DEPDC1B: variants seen among roughly 807,000 people sequenced by gnomAD.
DEPDC1B encodes DEP domain containing 1B.
A neutral mutation model predicts 66.5 loss-of-function variants in DEPDC1B; 51 were observed. The ratio of observed to expected loss-of-function variants is 0.77; its 90% CI spans 0.61 to 0.97. The LOEUF (loss-of-function observed/expected upper bound fraction) is 0.97, where lower values mean the gene tolerates loss of function less well. Ranked by LOEUF, DEPDC1B falls within the 50% of genes least tolerant of loss-of-function variation. The pLI, the probability that DEPDC1B is intolerant of heterozygous loss-of-function variation, is 0.00. For synonymous variants in DEPDC1B, 226 were observed against 223.6 expected, an observed-to-expected ratio of 1.01 and a Z score of -0.10; for missense variants, 552 against 637.1, an observed-to-expected ratio of 0.87 and a Z score of 1.44.
At chr5:60,600,952 G>T (rs1271417035) in intron 9 of DEPDC1B, among the ~76,000 whole-genome samples, 2 of 152,158 alleles carry the variant, frequency 1.3e-5, no homozygotes, top group African/African-American at 4.8e-5. Context: ...ATCACAGGGT[G>T]GTTCCCCCCA....
At position 60,597,381 on chromosome 5, in the gene DEPDC1B, T is replaced by C. The variant is rs1752116828; in HGVS notation, c.*372A>G. On this transcript the variant is annotated 3_prime_UTR_variant, in exon 11 of 11. Coordinates refer to ENST00000265036, the MANE Select transcript of DEPDC1B (RefSeq NM_018369.3). ...TACACGCTATTTTTAAGACTTAAAA[T>C]TAAGTCTTAAGGCTATAATAAAGAT... 1.2e-5 allele frequency: 2 copies of C among 166,046 alleles called. No individual in the cohort carries two copies. Among genetic ancestry groups the C allele is most frequent in the African/African-American group, 4.8e-5 (2 of 41,670 alleles). 10.3% of individuals were successfully genotyped at this position (166,046 alleles called of 1,614,324 possible). A position where few individuals can be genotyped will look rare whatever the true frequency, so the allele number is the denominator to read the frequency against.
At chr5:60,626,473 T>C (rs1336908510) in intron 7 of DEPDC1B, among the ~76,000 whole-genome samples, 3 of 152,182 alleles carry the variant, frequency 2.0e-5, no homozygotes, top group East Asian at 1.9e-4. Context: ...TAACTGTATG[T>C]TTAACTTTTT....
intron 7 of DEPDC1B, among the ~76,000 whole-genome samples, chr5:60,618,100 G>A (rs915808495): frequency 1.3e-5 from 2 of 152,174 alleles, no homozygotes; most frequent in South Asian, 2.1e-4. Flanking sequence ...TGAGAACAAA[G>A]ACAAAACATA....
intron 1 of DEPDC1B, among the ~76,000 whole-genome samples, chr5:60,699,457 A>AAAAAAC (rs1554056870): frequency 6.6e-6 from 1 of 151,234 alleles, no homozygotes; most frequent in Admixed American, 6.6e-5. Context: ...AAAAAAAAAA[A>AAAAAAC]AAAAACAGGA....
At chr5:60,676,157 C>G (rs1038289660) in intron 2 of DEPDC1B, among the ~76,000 whole-genome samples, 1 of 151,812 alleles carries the variant, frequency 6.6e-6, no homozygotes, top group Non-Finnish European at 1.5e-5. Flanking sequence ...GTCTCGATCT[C>G]CTGACCTCGT....
At chr5:60,677,533 T>C (rs193037719) in intron 2 of DEPDC1B, among the ~76,000 whole-genome samples, 1 of 152,230 alleles carries the variant, frequency 6.6e-6, no homozygotes, top group Non-Finnish European at 1.5e-5. Context: ...TTTTTTTCTT[T>C]TTTATTTTTT....
intron 9 of DEPDC1B, among the ~76,000 whole-genome samples, chr5:60,603,060 G>A (rs1752234089): frequency 6.6e-6 from 1 of 152,170 alleles, no homozygotes; most frequent in Non-Finnish European, 1.5e-5. Context: ...TATTAAACTA[G>A]GTCACAGGGC....
chr5:60,677,320 ACACACACT>A (rs1216576675), intron 2 of DEPDC1B, among the ~76,000 whole-genome samples: 1 of 107,730 alleles, frequency 9.3e-6, no homozygotes, highest in South Asian at 2.9e-4. Flanking sequence ...ACACACACAC[ACACACACT>A]CTCTCTCTCT....
chr5:60,632,270 C>A lies in DEPDC1B; in HGVS notation c.898+6480G>T, dbSNP rs116094964. ...ATGCTTGGCTGGAGCACTCCATGCC[C>A]GTGTCCTGGAAGCCACTCCTCACCC... On this transcript the variant is annotated intron_variant, in intron 7 of 10. Transcript: ENST00000265036. 2.6e-5 allele frequency among the ~76,000 whole-genome samples: 4 copies of A among 152,296 alleles called. No individual in the cohort carries two copies. The East Asian group carries it at 7.7e-4, about 29-fold the overall frequency.
At chr5:60,647,558 A>T in intron 2 of DEPDC1B, 25 bp from the exon 3 acceptor site, 3 of 1,608,490 alleles carry the variant, frequency 1.9e-6, no homozygotes, top group Non-Finnish European at 2.5e-6. Context: ...GAAATTCTCT[A>T]TTACTGCAGT....
Position 60,597,794 on chromosome 5 carries a change from G to T in DEPDC1B, c.1549C>A (p.Pro517Thr), listed in dbSNP as rs1335353003. 4.3e-6 allele frequency: 7 copies of T among 1,613,188 alleles called. No homozygotes were observed. The highest frequency in any genetic ancestry group is 1.3e-5 in the African/African-American group (1 of 74,834). Reference sequence around the variant, plus strand: ...CTAGTTCTTTGAAATGGTTGGAAAGGCTTCTTTAGTGCCCACATTAGCAGC... The same window carrying T: ...CTAGTTCTTTGAAATGGTTGGAAAGTCTTCTTTAGTGCCCACATTAGCAGC... ...PQLLMWALKK[P>T]FQPFQRTRSF... Residue 517 changes from proline to threonine, a missense_variant, in exon 11 of 11, where the codon CCT becomes ACT. Coordinates refer to ENST00000265036, the MANE Select transcript of DEPDC1B (RefSeq NM_018369.3).
At chr5:60,601,949 A>C (rs1315566965) in intron 9 of DEPDC1B, among the ~76,000 whole-genome samples, 2 of 152,200 alleles carry the variant, frequency 1.3e-5, no homozygotes, top group Non-Finnish European at 2.9e-5. Context: ...TGAAGCACAG[A>C]CATGTTATAT....
chr5:60,655,972 TA>T (rs746655467), intron 2 of DEPDC1B, among the ~76,000 whole-genome samples: 8 of 137,252 alleles, frequency 5.8e-5, no homozygotes, highest in African/African-American at 1.2e-4. Flanking sequence ...CCCTGTGGTC[TA>T]AGAGAGTACT....
At chr5:60,645,653 G>C in intron 3 of DEPDC1B, 34 bp from the exon 4 acceptor site, 2 of 1,579,902 alleles carry the variant, frequency 1.3e-6, no homozygotes, top group Non-Finnish European at 1.7e-6. Context: ...GGGAGGGAAG[G>C]AGAAACGGTA....
At chr5:60,682,539 A>G (rs1754319385) in intron 2 of DEPDC1B, among the ~76,000 whole-genome samples, 1 of 152,170 alleles carries the variant, frequency 6.6e-6, no homozygotes, top group South Asian at 2.1e-4. Flanking sequence ...ATTAAAAAAT[A>G]AAGAAAATAA....
chr5:60,655,123 C>T lies in DEPDC1B; in HGVS notation c.315-7590G>A, dbSNP rs576747474. Among the ~76,000 whole-genome samples the T allele has an allele frequency of 3.6e-4, 54 of 148,804 alleles. 1 individual carries two copies. The highest frequency in any genetic ancestry group is 5.6e-4 in the Non-Finnish European group (38 of 67,790). ...ATCCTTTCCTGGTTTGATATAAGGG[C>T]GATAATGGCTTCATAGAATGATTTA... On this transcript the variant is annotated intron_variant, in intron 2 of 10. Coordinates refer to ENST00000265036, the MANE Select transcript of DEPDC1B (RefSeq NM_018369.3).
At chr5:60,671,084 G>A (rs1034633098) in intron 2 of DEPDC1B, among the ~76,000 whole-genome samples, 1 of 152,080 alleles carries the variant, frequency 6.6e-6, no homozygotes, top group Non-Finnish European at 1.5e-5. Flanking sequence ...GATTACCATG[G>A]GTCCAGATCT....
chr5:60,674,756 G>A (rs1256862923), intron 2 of DEPDC1B, among the ~76,000 whole-genome samples: 1 of 152,176 alleles, frequency 6.6e-6, no homozygotes, highest in African/African-American at 2.4e-5. Context: ...AGTTGCAACT[G>A]TAAGGAACAG....
At chr5:60,660,397 T>C (rs969091166) in intron 2 of DEPDC1B, among the ~76,000 whole-genome samples, 11 of 151,978 alleles carry the variant, frequency 7.2e-5, no homozygotes, top group Admixed American at 5.9e-4. Context: ...CCAGGGTAAA[T>C]TTAAAACCTA....
Sources: gnomAD v4.1 joint callset for allele counts (sites outside exome capture counted in the v4.1 genomes callset) on GRCh38, gnomAD v4.1.1 for gene constraint, MANE v1.5 for transcripts, NCBI Gene and HGNC (gene_info 2026-07-23, HGNC 2026-07-21) for gene names.